ZNF518A: variants seen among roughly 807,000 people sequenced by gnomAD.
ZNF518A encodes the protein zinc finger protein 518.
ZNF518A carries 47 observed loss-of-function variants against 102.7 expected under a neutral mutation model. That is an observed-to-expected ratio of 0.46 (90% CI 0.36 to 0.58). ZNF518A has a LOEUF of 0.58. ZNF518A is among the 20% of genes least tolerant of loss of function. The pLI, the probability that ZNF518A is intolerant of heterozygous loss-of-function variation, is 0.00. For synonymous variants in ZNF518A, 652 were observed against 594.6 expected, an observed-to-expected ratio of 1.10 and a Z score of -1.40; for missense variants, 1,793 against 1,699.8, an observed-to-expected ratio of 1.05 and a Z score of -0.96.
At position 96,159,497 on chromosome 10, in the gene ZNF518A, G is replaced by T. The variant is rs782324043; in HGVS notation, c.3175G>T (p.Val1059Leu). 4 of 1,613,734 alleles carry T rather than the reference G, an allele frequency of 2.5e-6. No homozygotes were observed. The highest frequency in any genetic ancestry group is 1.1e-5 in the South Asian group (1 of 91,082). The change falls in exon 6 of 6, where the codon GTG becomes TTG. Residue 1059 changes from valine to leucine, a missense_variant. Physicochemically the swap from Val to Leu is conservative, Grantham distance 32. This residue lies in a region of ZNF518A where 1,741 missense variants were observed against 1,622.6 expected (regional missense o/e 1.07). Coordinates refer to ENST00000316045, the MANE Select transcript of ZNF518A (RefSeq NM_001330736.2). ...TTACATTTTGAAACCAACGAGTTCTGTGAAAGCTGTTCTTATTCCTAACAT... is the reference window on the plus strand; with the variant it reads ...TTACATTTTGAAACCAACGAGTTCTTTGAAAGCTGTTCTTATTCCTAACAT... ...GPYILKPTSS[V>L]KAVLIPNMLS...
Position 96,161,789 on chromosome 10 carries a change from C to G in ZNF518A, c.*1015C>G, listed in dbSNP as rs587692670. 1.2e-5 allele frequency: 2 copies of G among 167,048 alleles called. No homozygotes were observed. The highest frequency in any genetic ancestry group is 1.3e-4 in the Admixed American group (2 of 15,284). 10.3% of individuals were successfully genotyped at this position (167,048 alleles called of 1,614,324 possible). On this transcript the variant is annotated 3_prime_UTR_variant, in exon 6 of 6. Coordinates refer to ENST00000316045, the MANE Select transcript of ZNF518A (RefSeq NM_001330736.2). ...TTATTTGAACATGTCCAAATTAGGA[C>G]AAAGCATTTCTGTTAGCTGCTTCTC... is the stretch of plus-strand genomic sequence containing the variant.
chr10:96,144,382 G>C (rs2082076627), intron 3 of ZNF518A, among the ~76,000 whole-genome samples: 1 of 152,102 alleles, frequency 6.6e-6, no homozygotes, highest in Non-Finnish European at 1.5e-5. Flanking sequence ...ATAATTTCAT[G>C]TGGATGTTCC....
intron 3 of ZNF518A, among the ~76,000 whole-genome samples, chr10:96,134,622 C>T (rs1032786791): frequency 6.6e-6 from 1 of 152,156 alleles, no homozygotes; most frequent in African/African-American, 2.4e-5. Context: ...AGAATGAAAG[C>T]TGTAGTTGTA....
intron 1 of ZNF518A, among the ~76,000 whole-genome samples, chr10:96,202,499 G>C (rs1564815569): frequency 6.6e-6 from 1 of 152,226 alleles, no homozygotes; most frequent in Non-Finnish European, 1.5e-5. Flanking sequence ...ACAGCAACCA[G>C]AGTTGTCCTT....
Position 96,158,074 on chromosome 10 carries a change from T to A in ZNF518A, c.1752T>A (p.Thr584=). 1 of 1,613,642 alleles carries A rather than the reference T, an allele frequency of 6.2e-7. No individual in the cohort carries two copies. Among genetic ancestry groups the A allele is most frequent in the Non-Finnish European group, 8.5e-7 (1 of 1,179,746 alleles). ...DNVDFWGNHL[T]QSHPEVLGTT... is the part of the protein sequence containing the mutation. ...TTGACTTCTGGGGAAATCATCTCAC[T>A]CAGAGTCACCCCGAGGTATTAGGTA... The change falls in exon 6 of 6, where the codon ACT becomes ACA. Residue 584 remains threonine, a synonymous_variant. Coordinates refer to ENST00000316045, the MANE Select transcript of ZNF518A (RefSeq NM_001330736.2).
chr10:96,137,293 T>C (rs1248647970), intron 3 of ZNF518A, among the ~76,000 whole-genome samples: 2 of 152,224 alleles, frequency 1.3e-5, no homozygotes, highest in African/African-American at 4.8e-5. Context: ...ATCATTTTAA[T>C]AAGCGTGCAG....
chr10:96,190,994 A>C (rs975841227), intron 1 of ZNF518A, among the ~76,000 whole-genome samples: 2 of 152,150 alleles, frequency 1.3e-5, no homozygotes, highest in Non-Finnish European at 2.9e-5. Flanking sequence ...TGTAGCTCCC[A>C]TAATCCCCAC....
intron 1 of ZNF518A, chr10:96,197,129 A>G (rs2083487880): frequency 7.3e-7 from 1 of 1,364,320 alleles, no homozygotes; most frequent in Admixed American, 2.2e-5. Context: ...AGGTTCAAAA[A>G]ATCATTTTGT....
chr10:96,151,157 T>C (rs1246575516), intron 3 of ZNF518A, among the ~76,000 whole-genome samples: 1 of 152,146 alleles, frequency 6.6e-6, no homozygotes, highest in African/African-American at 2.4e-5. Context: ...CTGCATCCAG[T>C]GATGTTTCTG....
chr10:96,179,556 A>G (rs587742532), intron 1 of ZNF518A, among the ~76,000 whole-genome samples: 1 of 152,316 alleles, frequency 6.6e-6, no homozygotes, highest in African/African-American at 2.4e-5. Flanking sequence ...CACCCACTTT[A>G]TAAACATTTT....
chr10:96,189,958 G>A, intron 1 of ZNF518A: 2 of 897,028 alleles, frequency 2.2e-6, no homozygotes, highest in Non-Finnish European at 3.7e-6. Flanking sequence ...AGACCCCAAG[G>A]GAAACTGTTG....
At chr10:96,167,200 C>A (rs2083146677), downstream of ZNF518A, among the ~76,000 whole-genome samples, 1 of 152,186 alleles carries the variant, frequency 6.6e-6, no homozygotes. Context: ...GTGGTTCATG[C>A]CTGTAATGCC....
At chr10:96,192,596 T>TC (rs782792824) in intron 1 of ZNF518A, among the ~76,000 whole-genome samples, 54 of 152,306 alleles carry the variant, frequency 3.5e-4, no homozygotes, top group Admixed American at 6.5e-4. Context: ...CCTTCATATT[T>TC]CCATTTTTAC....
At chr10:96,166,612 C>A (rs888667167), downstream of ZNF518A, among the ~76,000 whole-genome samples, 4 of 152,116 alleles carry the variant, frequency 2.6e-5, no homozygotes, top group South Asian at 8.3e-4. Flanking sequence ...CCTAAAAATA[C>A]AAAAAAATAG....
rs2082832945 is a variant in ZNF518A, at chr10:96,158,686, G to A, written c.2364G>A (p.Gln788=). The A allele has an allele frequency of 6.2e-7, 1 of 1,613,164 alleles. No individual in the cohort carries two copies. Among genetic ancestry groups the A allele is most frequent in the African/African-American group, 1.3e-5 (1 of 74,896 alleles). ...FLPPEVNQLL[Q]DVLKIKPDVK... is the part of the protein sequence containing the mutation. The stretch of plus-strand genomic sequence containing the variant: ...CACCTGAAGTAAACCAATTGCTTCA[G>A]GATGTATTGAAAATAAAACCTGATG... Residue 788 remains glutamine, a synonymous_variant, in exon 6 of 6, where the codon CAG becomes CAA. Coordinates refer to ENST00000316045, the MANE Select transcript of ZNF518A (RefSeq NM_001330736.2).
At position 96,140,878 on chromosome 10, in the gene ZNF518A, C is replaced by T. The variant is rs1309789649; in HGVS notation, c.-302+7230C>T. The stretch of plus-strand genomic sequence containing the variant: ...ATCAATTGAGCCCAGAAGGGCGAGG[C>T]TGTAATGAGCCGTAATTGTGCCATT... On this transcript the variant is annotated intron_variant, in intron 3 of 5. Transcript: ENST00000316045. Among the ~76,000 whole-genome samples, 5 of 151,960 alleles carry T rather than the reference C, an allele frequency of 3.3e-5. No individual in the cohort carries two copies. The East Asian group carries it at 9.6e-4, about 29-fold the overall frequency.
Position 96,160,225 on chromosome 10 carries a change from A to G in ZNF518A, c.3903A>G (p.Glu1301=). The G allele has an allele frequency of 6.2e-7, 1 of 1,612,774 alleles. No homozygotes were observed. The part of the protein sequence containing the change: ...RKATLHRKCK[E]KAKPEDVRET... The stretch of plus-strand genomic sequence containing the variant: ...CAACATTGCATAGAAAGTGTAAAGA[A>G]AAGGCAAAACCTGAAGATGTCCGTG... The change falls in exon 6 of 6, where the codon GAA becomes GAG. Residue 1301 remains glutamate, a synonymous_variant. Coordinates refer to ENST00000316045, the MANE Select transcript of ZNF518A (RefSeq NM_001330736.2).
chr10:96,138,087 C>G (rs961772881), intron 3 of ZNF518A, among the ~76,000 whole-genome samples: 2 of 152,184 alleles, frequency 1.3e-5, no homozygotes, highest in African/African-American at 4.8e-5. Flanking sequence ...TATATTCAAT[C>G]TGACCATGCC....
chr10:96,153,337 C>T (rs1554881017), intron 3 of ZNF518A, among the ~76,000 whole-genome samples: 1 of 152,214 alleles, frequency 6.6e-6, no homozygotes, highest in Non-Finnish European at 1.5e-5. Flanking sequence ...CTGGAAACAC[C>T]CTCACAGACA....
Sources: gnomAD v4.1 joint callset for allele counts (sites outside exome capture counted in the v4.1 genomes callset) on GRCh38, gnomAD v4.1.1 for gene constraint, gnomAD v4.1.1 regional missense constraint, MANE v1.5 for transcripts, NCBI Gene and HGNC (gene_info 2026-07-23, HGNC 2026-07-21) for gene names.